CPQ: variants seen among roughly 807,000 people sequenced by gnomAD.
CPQ encodes carboxypeptidase Q.
A neutral mutation model predicts 45.7 loss-of-function variants in CPQ; 37 were observed. The observed-to-expected ratio is 0.81, with a 90% CI of 0.62 to 1.07. The LOEUF (loss-of-function observed/expected upper bound fraction) is 1.07. Among genes scored for constraint, CPQ ranks in the 50% least tolerant of loss-of-function variants. The pLI is 0.00. For missense variants in CPQ, 537 were observed against 572.9 expected, an observed-to-expected ratio of 0.94 and a Z score of 0.64; for synonymous variants, 186 against 205.8, an observed-to-expected ratio of 0.90 and a Z score of 0.82.
At chr8:96,825,622 A>T (rs1038005646) in intron 2 of CPQ, among the ~76,000 whole-genome samples, 1 of 152,040 alleles carries the variant, frequency 6.6e-6, no homozygotes, top group Non-Finnish European at 1.5e-5. Context: ...GAAAATTTTC[A>T]TGTAATTCAT....
chr8:96,814,994 T>C (rs1479332586), intron 2 of CPQ, among the ~76,000 whole-genome samples: 1 of 152,098 alleles, frequency 6.6e-6, no homozygotes, highest in East Asian at 1.9e-4. Flanking sequence ...TGCCAGGGGT[T>C]TGGCAACCCC....
chr8:96,959,525 C>T (rs1357584345), intron 4 of CPQ, among the ~76,000 whole-genome samples: 1 of 152,046 alleles, frequency 6.6e-6, no homozygotes, highest in Non-Finnish European at 1.5e-5. Flanking sequence ...AAGCTTCTTG[C>T]TCGCTTATAT....
chr8:96,993,734 G>T lies in CPQ; in HGVS notation c.961+27688G>T, dbSNP rs1809132928. Among the ~76,000 whole-genome samples, 3 of 151,972 alleles carry T rather than the reference G, an allele frequency of 2.0e-5. No homozygotes were observed. The South Asian group carries it at 6.2e-4, about 32-fold the overall frequency. On this transcript the variant is annotated intron_variant, in intron 5 of 7. Transcript: ENST00000220763. ...TATATTGGTGTACAAACAATATATT[G>T]GTGTAAAAAAATGATTAGTGCTTCA...
intron 5 of CPQ, among the ~76,000 whole-genome samples, chr8:96,968,639 T>A (rs1317109574): frequency 2.0e-5 from 3 of 152,366 alleles, no homozygotes; most frequent in East Asian, 1.9e-4. Flanking sequence ...CCTTGGATGA[T>A]GTGTCATGCA....
chr8:96,915,469 A>G (rs1215971294), intron 4 of CPQ, among the ~76,000 whole-genome samples: 2 of 152,228 alleles, frequency 1.3e-5, no homozygotes, highest in Admixed American at 1.3e-4. Flanking sequence ...ATAAAAGGAA[A>G]TAAGAGAAAA....
intron 2 of CPQ, among the ~76,000 whole-genome samples, chr8:96,792,100 C>T (rs1810853280): frequency 6.6e-6 from 1 of 152,100 alleles, no homozygotes; most frequent in South Asian, 2.1e-4. Context: ...TTCAGTATTA[C>T]AGTAGGTATG....
At chr8:96,783,921 G>A (rs866231865) in intron 1 of CPQ, among the ~76,000 whole-genome samples, 1 of 152,072 alleles carries the variant, frequency 6.6e-6, no homozygotes, top group South Asian at 2.1e-4. Context: ...GTAAAAAACA[G>A]TTTGTGGACT....
chr8:96,901,171 A>G (rs1341371727), intron 4 of CPQ, among the ~76,000 whole-genome samples: 2 of 152,164 alleles, frequency 1.3e-5, no homozygotes, highest in Non-Finnish European at 2.9e-5. Context: ...TCCCCATCTA[A>G]TGATCAATTC....
At chr8:96,668,049 T>C (rs958605848) in intron 1 of CPQ, among the ~76,000 whole-genome samples, 2 of 152,242 alleles carry the variant, frequency 1.3e-5, no homozygotes, top group South Asian at 4.1e-4. Context: ...GGAAAAGTAC[T>C]AATTTGCAAT....
At chr8:97,044,815 G>A (rs1362937061) in intron 6 of CPQ, among the ~76,000 whole-genome samples, 4 of 152,190 alleles carry the variant, frequency 2.6e-5, no homozygotes, top group Admixed American at 1.3e-4. Context: ...CGTGAACTGC[G>A]AATGCTGCTG....
chr8:96,979,672 T>G (rs1186775012), intron 5 of CPQ, among the ~76,000 whole-genome samples: 1 of 152,200 alleles, frequency 6.6e-6, no homozygotes, highest in Non-Finnish European at 1.5e-5. Flanking sequence ...TTAACTGGGT[T>G]TTTTTAATTG....
intron 5 of CPQ, among the ~76,000 whole-genome samples, chr8:96,988,267 T>C (rs1023901043): frequency 1.3e-5 from 2 of 152,224 alleles, no homozygotes; most frequent in Non-Finnish European, 2.9e-5. Flanking sequence ...ATTAACTTCA[T>C]TGCATTTAAC....
At chr8:97,007,726 C>G (rs1253199595) in intron 5 of CPQ, among the ~76,000 whole-genome samples, 1 of 152,102 alleles carries the variant, frequency 6.6e-6, no homozygotes, top group African/African-American at 2.4e-5. Flanking sequence ...AAACTTTATT[C>G]TGGGCAATAG....
intron 1 of CPQ, among the ~76,000 whole-genome samples, chr8:96,735,953 T>C (rs930446353): frequency 6.6e-6 from 1 of 152,320 alleles, no homozygotes; most frequent in African/African-American, 2.4e-5. Flanking sequence ...AGGGTTGTTA[T>C]GCAACAGCAG....
At chr8:96,726,321 AGATT>A (rs756544107) in intron 1 of CPQ, among the ~76,000 whole-genome samples, 5 of 152,204 alleles carry the variant, frequency 3.3e-5, no homozygotes, top group Non-Finnish European at 7.3e-5. Context: ...ATGGTATAAC[AGATT>A]GATTGCTTAT....
At chr8:96,988,341 T>A (rs1437104416) in intron 5 of CPQ, among the ~76,000 whole-genome samples, 1 of 152,224 alleles carries the variant, frequency 6.6e-6, no homozygotes, top group Non-Finnish European at 1.5e-5. Flanking sequence ...GTAATATATA[T>A]GACTTAAGAC....
chr8:97,086,744 A>G (rs752855327), intron 7 of CPQ, among the ~76,000 whole-genome samples: 28 of 152,198 alleles, frequency 1.8e-4, no homozygotes, highest in Non-Finnish European at 3.5e-4. Context: ...AGCTTAAAAT[A>G]TCTCAAAACT....
rs958652840 is a variant in CPQ at position 97,089,260 on chromosome 8, GAGAAA to G, written c.1255+23067_1255+23071del. 3.5e-4 allele frequency among the ~76,000 whole-genome samples: 46 copies of G among 130,856 alleles called. No homozygotes were observed. The East Asian group carries it at 4.0e-3, about 11-fold the overall frequency. The allele number at this position is 130,856 out of a possible 152,430, so 85.8% of individuals were successfully genotyped here. ...CTCAGTCTCAAAAAAAAAAAAAAAAGAGAAAAGAAAAGAAAAGAAAATTATAGTAT... is the reference window on the plus strand; with the variant it reads ...CTCAGTCTCAAAAAAAAAAAAAAAAGAGAAAAGAAAAGAAAATTATAGTAT... On this transcript the variant is annotated intron_variant, in intron 7 of 7. Coordinates refer to ENST00000220763, the MANE Select transcript of CPQ (RefSeq NM_016134.4).
At chr8:96,668,893 A>G (rs1250389352) in intron 1 of CPQ, among the ~76,000 whole-genome samples, 1 of 152,172 alleles carries the variant, frequency 6.6e-6, no homozygotes, top group African/African-American at 2.4e-5. Flanking sequence ...ATCTCCAGCA[A>G]AAGCCTGTTT....
Sources: gnomAD v4.1 joint callset for allele counts (sites outside exome capture counted in the v4.1 genomes callset) on GRCh38, gnomAD v4.1.1 for gene constraint, MANE v1.5 for transcripts, NCBI Gene and HGNC (gene_info 2026-07-23, HGNC 2026-07-21) for gene names.